The following GPR55 variants were observed in gnomAD, a reference collection of about 807,000 sequenced individuals.
GPR55 encodes the protein G protein-coupled receptor 55.
A neutral mutation model predicts 7.9 loss-of-function variants in GPR55; 6 were observed. That is an observed-to-expected ratio of 0.76 (90% CI 0.41 to 1.49). GPR55 has a LOEUF of 1.49. GPR55 is among the 40% of genes most tolerant of loss of function. The probability of loss-of-function intolerance (pLI) is 0.01; values close to 1 mark genes in which losing one functional copy is unlikely to be tolerated. For missense variants in GPR55, 376 were observed against 406.0 expected (o/e 0.93, Z 0.63); for synonymous variants, 183 against 166.8 (o/e 1.10, Z -0.75).
chr2:230,949,879 G>T (rs2125069329), intron 1 of GPR55, among the ~76,000 whole-genome samples: 1 of 151,980 alleles, frequency 6.6e-6, no homozygotes, highest in African/African-American at 2.4e-5. Context: ...CTGTCACCCA[G>T]GCTGGAGTAC....
At chr2:230,956,413 C>G (rs960069862) in intron 1 of GPR55, among the ~76,000 whole-genome samples, 2 of 152,118 alleles carry the variant, frequency 1.3e-5, no homozygotes, top group African/African-American at 4.8e-5. Flanking sequence ...GTGATCCACC[C>G]GCCTCCAGCC....
intron 1 of GPR55, among the ~76,000 whole-genome samples, chr2:230,915,084 G>T (rs768918314): frequency 6.6e-6 from 1 of 152,244 alleles, no homozygotes; most frequent in South Asian, 2.1e-4. Context: ...CGCAGAAATC[G>T]CCCCAGGCTA....
rs1332254943 is a variant in GPR55 at position 230,956,031 on chromosome 2, C to T, written c.-135+4744G>A. On this transcript the variant is annotated intron_variant, in intron 1 of 1. Coordinates refer to the GPR55 transcript ENST00000392039. Reference sequence around the variant, plus strand: ...CATGAGCCACCATGCCCAACTACACCAGTGTCTTTAAACTAGAGGATTCCT... The same window carrying T: ...CATGAGCCACCATGCCCAACTACACTAGTGTCTTTAAACTAGAGGATTCCT... Among the ~76,000 whole-genome samples, 9 of 151,922 alleles carry T rather than the reference C, an allele frequency of 5.9e-5. No individual in the cohort carries two copies. In the East Asian group the frequency reaches 1.6e-3, roughly 26 times the overall value.
At chr2:230,946,680 G>A (rs1331951830) in intron 1 of GPR55, among the ~76,000 whole-genome samples, 1 of 152,366 alleles carries the variant, frequency 6.6e-6, no homozygotes, top group Non-Finnish European at 1.5e-5. Context: ...GGTTGTGGAA[G>A]CAGGGTGTCC....
intron 1 of GPR55, among the ~76,000 whole-genome samples, chr2:230,955,752 A>G (rs916807410): frequency 6.6e-6 from 1 of 152,232 alleles, no homozygotes; most frequent in Non-Finnish European, 1.5e-5. Context: ...ACGGGGTCTC[A>G]TTCCATTGCC....
At chr2:230,920,649 A>G (rs1690812028) in intron 1 of GPR55, among the ~76,000 whole-genome samples, 1 of 152,236 alleles carries the variant, frequency 6.6e-6, no homozygotes, top group Non-Finnish European at 1.5e-5. Flanking sequence ...GATTTAAAAT[A>G]TAATTCCCCC....
chr2:230,938,432 G>A lies in GPR55; in HGVS notation c.-135+22343C>T, dbSNP rs59210726. ...AAAAAAACAAAGAAAGAAAATCATT[G>A]AGCCATTCCTACAGAACCTGGTCTT... On this transcript the variant is annotated intron_variant, in intron 1 of 1. Coordinates refer to the GPR55 transcript ENST00000392039. Among the ~76,000 whole-genome samples, 545 of 149,724 alleles carry A rather than the reference G, an allele frequency of 3.6e-3. 4 individuals carry two copies. The highest frequency in any genetic ancestry group is 0.013 in the African/African-American group (514 of 40,878).
chr2:230,935,010 C>T (rs1183318048), intron 1 of GPR55, among the ~76,000 whole-genome samples: 1 of 152,114 alleles, frequency 6.6e-6, no homozygotes, highest in Non-Finnish European at 1.5e-5. Flanking sequence ...TACCTCCTTC[C>T]TACCACCTGG....
intron 1 of GPR55, among the ~76,000 whole-genome samples, chr2:230,921,989 C>T (rs1201915201): frequency 2.6e-5 from 4 of 152,152 alleles, no homozygotes; most frequent in Admixed American, 6.5e-5. Context: ...AAACCTATCT[C>T]GCAGCCAGAG....
chr2:230,930,122 AC>A (rs1691011366), upstream of GPR55, among the ~76,000 whole-genome samples: 1 of 152,000 alleles, frequency 6.6e-6, no homozygotes, highest in South Asian at 2.1e-4. Flanking sequence ...ACCTCTGAGT[AC>A]CCCCTCTGGC....
chr2:230,932,192 G>A (rs188471590), intron 1 of GPR55, among the ~76,000 whole-genome samples: 180 of 152,336 alleles, frequency 1.2e-3, no homozygotes, highest in African/African-American at 4.2e-3. Context: ...CCAGCCCGCC[G>A]ACCTTCTCTG....
chr2:230,915,931 G>C (rs538748184), intron 1 of GPR55, among the ~76,000 whole-genome samples: 82 of 152,202 alleles, frequency 5.4e-4, no homozygotes, highest in South Asian at 1.5e-3. Flanking sequence ...ACCTCCAAGA[G>C]ATCATCACTA....
chr2:230,914,256 A>G (rs775795274), intron 1 of GPR55, among the ~76,000 whole-genome samples: 20 of 152,228 alleles, frequency 1.3e-4, no homozygotes, highest in Admixed American at 3.3e-4. Flanking sequence ...CATTGACAGT[A>G]GCAGGTATAT....
intron 1 of GPR55, among the ~76,000 whole-genome samples, chr2:230,915,092 C>A (rs1038701629): frequency 1.3e-5 from 2 of 152,268 alleles, no homozygotes; most frequent in African/African-American, 2.4e-5. Flanking sequence ...TCGCCCCAGG[C>A]TAGTGCCTCT....
At chr2:230,933,733 T>A (rs1408557623) in intron 1 of GPR55, among the ~76,000 whole-genome samples, 4 of 152,094 alleles carry the variant, frequency 2.6e-5, no homozygotes, top group Non-Finnish European at 5.9e-5. Context: ...CATTCCCCAC[T>A]CCTGGAAGTC....
intron 1 of GPR55, among the ~76,000 whole-genome samples, chr2:230,937,749 T>C (rs1179110715): frequency 6.6e-6 from 1 of 152,128 alleles, no homozygotes; most frequent in Non-Finnish European, 1.5e-5. Context: ...AGACAAGTAG[T>C]AGAGACCTCA....
chr2:230,942,316 T>A (rs1444606717), intron 1 of GPR55, among the ~76,000 whole-genome samples: 1 of 152,134 alleles, frequency 6.6e-6, no homozygotes, highest in Non-Finnish European at 1.5e-5. Context: ...CAGCCGGGCC[T>A]CCTGGCCCTG....
chr2:230,917,931 T>TA (rs377027651), intron 1 of GPR55, among the ~76,000 whole-genome samples: 168 of 145,256 alleles, frequency 1.2e-3, no homozygotes, highest in African/African-American at 2.6e-3. Context: ...TTGGTTGTTT[T>TA]AAAAAAAAAA....
chr2:230,930,180 TA>T (rs910303673), upstream of GPR55, among the ~76,000 whole-genome samples: 454 of 152,368 alleles, frequency 3.0e-3, 4 homozygotes, highest in African/African-American at 0.01. Flanking sequence ...GCTACTGAGC[TA>T]CACTTGTTTA....
Sources: allele counts gnomAD v4.1 joint callset (sites outside exome capture counted in the v4.1 genomes callset), GRCh38; gene constraint gnomAD v4.1.1; transcripts MANE v1.5; gene names NCBI Gene and HGNC (gene_info 2026-07-23, HGNC 2026-07-21).